Variants in ARHGAP22 observed in about 807,000 individuals in gnomAD.
ARHGAP22 encodes the protein Rho GTPase activating protein 22.
ARHGAP22 carries 48 observed loss-of-function variants against 59.1 expected under a neutral mutation model. The ratio of observed to expected loss-of-function variants is 0.81; its 90% CI spans 0.64 to 1.03. ARHGAP22 has a LOEUF of 1.03. ARHGAP22 is among the 50% of genes least tolerant of loss of function. The probability of loss-of-function intolerance (pLI) is 0.00; values close to 1 mark genes in which losing one functional copy is unlikely to be tolerated. For synonymous variants in ARHGAP22, 445 were observed against 416.4 expected, an observed-to-expected ratio of 1.07 and a Z score of -0.84; for missense variants, 1,015 against 958.7, an observed-to-expected ratio of 1.06 and a Z score of -0.78.
chr10:48,654,194 G>T (rs937440077), upstream of ARHGAP22, among the ~76,000 whole-genome samples: 1 of 152,150 alleles, frequency 6.6e-6, no homozygotes, highest in Non-Finnish European at 1.5e-5. Context: ...ACCAAGTCTG[G>T]GTTTTTTTTT....
At chr10:48,431,466 C>T in the ARHGAP22 span, among the ~76,000 whole-genome samples, 1 of 152,180 alleles carries the variant, frequency 6.6e-6, no homozygotes, top group South Asian at 2.1e-4. Context: ...ATAAGATGCA[C>T]ATCTTTTTCT....
At chr10:48,655,159 G>C (rs1167056033), upstream of ARHGAP22, among the ~76,000 whole-genome samples, 1 of 136,012 alleles carries the variant, frequency 7.4e-6, no homozygotes, top group African/African-American at 2.8e-5. Flanking sequence ...TCCTGTCTCA[G>C]GCCCCTCCCA....
chr10:48,524,420 C>A lies in ARHGAP22; in HGVS notation c.322+31043G>T, dbSNP rs945374573. The stretch of plus-strand genomic sequence containing the variant: ...CCTCGCCGGCGCCCTCCCCACGGCC[C>A]GTTACTCTCCCGGGGTGCCGGGCCG... On this transcript the variant is annotated intron_variant, in intron 3 of 9. Transcript: ENST00000249601. Among the ~76,000 whole-genome samples the A allele has an allele frequency of 2.0e-4, 31 of 152,022 alleles. No homozygotes were observed. The Middle Eastern group carries it at 0.024, about 118-fold the overall frequency.
chr10:48,477,107 G>A (rs915643275), intron 4 of ARHGAP22, among the ~76,000 whole-genome samples: 1 of 152,182 alleles, frequency 6.6e-6, no homozygotes, highest in Non-Finnish European at 1.5e-5. Context: ...TTTAAGATAT[G>A]TATGCCCCTC....
upstream of ARHGAP22, among the ~76,000 whole-genome samples, chr10:48,654,339 A>G (rs558045068): frequency 1.3e-5 from 2 of 152,358 alleles, no homozygotes; most frequent in Non-Finnish European, 2.9e-5. Context: ...GAAAGAGCCT[A>G]TCTTCCAGTG....
At chr10:48,572,646 A>G (rs918270290) in intron 2 of ARHGAP22, among the ~76,000 whole-genome samples, 2 of 152,154 alleles carry the variant, frequency 1.3e-5, no homozygotes, top group Non-Finnish European at 2.9e-5. Context: ...CTGTAACCCT[A>G]CTTAGCTAAT....
At chr10:48,523,742 C>T (rs2054046304) in intron 3 of ARHGAP22, among the ~76,000 whole-genome samples, 1 of 151,976 alleles carries the variant, frequency 6.6e-6, no homozygotes, top group South Asian at 2.1e-4. Flanking sequence ...GCCGGCGCCG[C>T]GGCCAGCCCC....
the ARHGAP22 span, chr10:48,435,120 G>T: frequency 9.7e-7 from 1 of 1,029,498 alleles, no homozygotes; most frequent in Non-Finnish European, 1.3e-6. Context: ...CTTATTTTTG[G>T]GTGATTTTTC....
At chr10:48,447,081 C>T (rs1389289633) in intron 9 of ARHGAP22, among the ~76,000 whole-genome samples, 1 of 152,206 alleles carries the variant, frequency 6.6e-6, no homozygotes, top group Non-Finnish European at 1.5e-5. Context: ...CACAGAAGAT[C>T]CTGTGGGGTA....
intron 1 of ARHGAP22, among the ~76,000 whole-genome samples, chr10:48,626,825 G>T (rs1344486260): frequency 1.3e-5 from 2 of 152,206 alleles, no homozygotes; most frequent in Admixed American, 1.3e-4. Flanking sequence ...CCCTTTCAAA[G>T]GCACCTGAGG....
chr10:48,593,341 C>T (rs1037099732), intron 1 of ARHGAP22, among the ~76,000 whole-genome samples: 5 of 152,190 alleles, frequency 3.3e-5, no homozygotes, highest in African/African-American at 1.2e-4. Context: ...AGTAGTCTCC[C>T]CTTATTCAAG....
At chr10:48,552,686 A>G (rs2056994400) in intron 3 of ARHGAP22, among the ~76,000 whole-genome samples, 2 of 152,230 alleles carry the variant, frequency 1.3e-5, no homozygotes, top group Admixed American at 1.3e-4. Context: ...ACCCCTGCTC[A>G]TCTCAGGGCC....
At chr10:48,431,920 C>G in the ARHGAP22 span, among the ~76,000 whole-genome samples, 1 of 152,088 alleles carries the variant, frequency 6.6e-6, no homozygotes, top group Non-Finnish European at 1.5e-5. Context: ...TTCATTCAGC[C>G]CCTAAGATCC....
At chr10:48,469,234 C>A (rs1007152952) in intron 4 of ARHGAP22, among the ~76,000 whole-genome samples, 5 of 152,208 alleles carry the variant, frequency 3.3e-5, no homozygotes, top group African/African-American at 9.7e-5. Flanking sequence ...TAGAAGGCTC[C>A]GGCAGGCACT....
At chr10:48,547,338 A>G (rs1046091133) in intron 3 of ARHGAP22, among the ~76,000 whole-genome samples, 2 of 152,122 alleles carry the variant, frequency 1.3e-5, no homozygotes, top group Non-Finnish European at 1.5e-5. Context: ...GGAGCTGAAA[A>G]CCCAAGACCT....
At chr10:48,647,488 C>A (rs1399509181) in intron 1 of ARHGAP22, among the ~76,000 whole-genome samples, 4 of 152,116 alleles carry the variant, frequency 2.6e-5, no homozygotes, top group East Asian at 3.8e-4. Flanking sequence ...AAATGCAAAT[C>A]AAATCCCCAA....
intron 9 of ARHGAP22, among the ~76,000 whole-genome samples, chr10:48,449,436 G>A (rs1482912412): frequency 1.3e-5 from 2 of 152,234 alleles, no homozygotes; most frequent in East Asian, 1.9e-4. Flanking sequence ...GGCAAGGGCT[G>A]CCATTCCAGC....
At chr10:48,497,022 ACTG>A (rs1351436142) in intron 3 of ARHGAP22, among the ~76,000 whole-genome samples, 1 of 152,114 alleles carries the variant, frequency 6.6e-6, no homozygotes, top group African/African-American at 2.4e-5. Flanking sequence ...GCAGCACTGC[ACTG>A]GGCCCTGGAC....
At chr10:48,528,436 G>A (rs1359284763) in intron 3 of ARHGAP22, among the ~76,000 whole-genome samples, 3 of 152,160 alleles carry the variant, frequency 2.0e-5, no homozygotes, top group African/African-American at 7.2e-5. Flanking sequence ...CTGACACAAG[G>A]CCCAATGTGG....
Sources: allele counts gnomAD v4.1 joint callset (sites outside exome capture counted in the v4.1 genomes callset), GRCh38; gene constraint gnomAD v4.1.1; transcripts MANE v1.5; gene names NCBI Gene and HGNC (gene_info 2026-07-23, HGNC 2026-07-21).